PAWR: variants seen among roughly 807,000 people sequenced by gnomAD.
PAWR encodes the protein PRKC apoptosis WT1 regulator protein.
In PAWR, 23 loss-of-function variants were observed where a neutral mutation model predicts 32.0. That is an observed-to-expected ratio of 0.72 (90% confidence interval 0.52 to 1.02). The LOEUF (loss-of-function observed/expected upper bound fraction) is 1.02. PAWR is among the 50% of genes least tolerant of loss of function. The probability of loss-of-function intolerance (pLI) is 0.00; values close to 1 mark genes in which losing one functional copy is unlikely to be tolerated. For missense variants in PAWR, 457 were observed against 437.7 expected, an observed-to-expected ratio of 1.04 and a Z score of -0.39; for synonymous variants, 226 against 187.1, an observed-to-expected ratio of 1.21 and a Z score of -1.70.
intron 4 of PAWR, among the ~76,000 whole-genome samples, chr12:79,608,049 CAAA>C (rs202174917): frequency 2.6e-5 from 2 of 75,860 alleles, no homozygotes; most frequent in Admixed American, 1.5e-4. Flanking sequence ...AACTCGGACT[CAAA>C]AAAAAAAAAA....
At chr12:79,613,665 A>G (rs1013885776) in intron 3 of PAWR, 56 bp from the exon 4 acceptor site, 13 of 859,500 alleles carry the variant, frequency 1.5e-5, no homozygotes, top group Non-Finnish European at 2.0e-5. Context: ...ACAATTACTT[A>G]TTATATAAAA....
chr12:79,652,242 TTTATA>T (rs1307021038), intron 2 of PAWR, among the ~76,000 whole-genome samples: 2 of 152,190 alleles, frequency 1.3e-5, no homozygotes, highest in Admixed American at 1.3e-4. Flanking sequence ...GATGCTAAGT[TTTATA>T]TTATATACGT....
intron 2 of PAWR, among the ~76,000 whole-genome samples, chr12:79,638,086 T>C (rs1399784993): frequency 6.6e-6 from 1 of 152,052 alleles, no homozygotes; most frequent in East Asian, 1.9e-4. Context: ...ATCTCTAATT[T>C]TTATGGCTCT....
chr12:79,639,833 C>CTTTTCCATTCCTATTCCTATTCCT (rs1313531485), intron 2 of PAWR, among the ~76,000 whole-genome samples: 6 of 127,502 alleles, frequency 4.7e-5, no homozygotes, highest in African/African-American at 2.5e-4. Context: ...TTTCCTTTTC[C>CTTTTCCATTCCTATTCCTATTCCT]ATTCCTATTC....
chr12:79,625,467 TA>T (rs770109577), intron 2 of PAWR, among the ~76,000 whole-genome samples: 4 of 151,900 alleles, frequency 2.6e-5, no homozygotes, highest in Non-Finnish European at 5.9e-5. Context: ...ATCAAAGTAA[TA>T]AAGAGAAAAT....
At chr12:79,645,043 C>CACACACACACAG (rs1876505683) in intron 2 of PAWR, among the ~76,000 whole-genome samples, 1 of 151,134 alleles carries the variant, frequency 6.6e-6, no homozygotes, top group Non-Finnish European at 1.5e-5. Context: ...CCACCACACA[C>CACACACACACAG]ACACACACAC....
chr12:79,639,839 TATTCCTATTCCTATTCC>T (rs1876201678), intron 2 of PAWR, among the ~76,000 whole-genome samples: 1 of 69,502 alleles, frequency 1.4e-5, no homozygotes, highest in Non-Finnish European at 2.8e-5. Flanking sequence ...TTTCCATTCC[TATTCCTATTCCTATTCC>T]TATTCCTATT....
At chr12:79,653,543 G>C (rs180922751) in intron 2 of PAWR, among the ~76,000 whole-genome samples, 1 of 152,130 alleles carries the variant, frequency 6.6e-6, no homozygotes, top group Non-Finnish European at 1.5e-5. Context: ...GCAATGGCAC[G>C]ATCTCAGCTC....
rs1873352975 is a variant in PAWR, at chr12:79,585,165, A to T, written c.*7442T>A. 1 of 452,968 alleles carries T rather than the reference A, an allele frequency of 2.2e-6. No homozygotes were observed. Among genetic ancestry groups the T allele is most frequent in the African/African-American group, 2.0e-5 (1 of 49,862 alleles). 28.1% of individuals were successfully genotyped at this position (452,968 alleles called of 1,614,324 possible). Reference sequence around the variant, plus strand: ...GATCAGGAGCTTAAAACAAAACAAAACAAAAACAAACAAAAAACAAGTTCA... The same window carrying T: ...GATCAGGAGCTTAAAACAAAACAAATCAAAAACAAACAAAAAACAAGTTCA... On this transcript the variant is annotated 3_prime_UTR_variant, in exon 7 of 7. Coordinates refer to ENST00000328827, the MANE Select transcript of PAWR (RefSeq NM_002583.4).
rs199880169 is a variant in PAWR, at chr12:79,594,370, T to C, written c.895A>G (p.Met299Val). The change falls in exon 6 of 7, where the codon ATG (methionine) becomes GTG (valine). Residue 299 changes from methionine (M) to valine (V), a missense_variant. Transcript: ENST00000328827. Reference sequence around the variant, plus strand: ...ATTTCTTCTTTGAGTTTTCCAATCATTTCCTCTTTATCTTGCATCAGTCTC... The same window carrying C: ...ATTTCTTCTTTGAGTTTTCCAATCACTTCCTCTTTATCTTGCATCAGTCTC... ...LVRLMQDKEE[M>V]IGKLKEEIDL... 1.9e-6 allele frequency: 3 copies of C among 1,562,836 alleles called. No individual in the cohort carries two copies. Among genetic ancestry groups the C allele is most frequent in the Non-Finnish European group, 2.6e-6 (3 of 1,140,194 alleles).
intron 2 of PAWR, among the ~76,000 whole-genome samples, chr12:79,645,414 T>A (rs1457201339): frequency 6.6e-6 from 1 of 152,186 alleles, no homozygotes; most frequent in Non-Finnish European, 1.5e-5. Flanking sequence ...GAAACTGAAA[T>A]GACACTGGAA....
In PAWR at chr12:79,678,968, G is replaced by C. The variant is rs1285948214; in HGVS notation, c.516+10761C>G. On this transcript the variant is annotated intron_variant, in intron 2 of 6. Transcript: ENST00000328827. Reference sequence around the variant, plus strand: ...GCTGAAGTGCAGTGGCATTATCATAGCTAACGGCAGCCTAAAATTCCTGGG... The same window carrying C: ...GCTGAAGTGCAGTGGCATTATCATACCTAACGGCAGCCTAAAATTCCTGGG... 2.7e-5 allele frequency among the ~76,000 whole-genome samples: 4 copies of C among 150,168 alleles called. No homozygotes were observed. The East Asian group carries it at 7.9e-4, about 30-fold the overall frequency.
intron 2 of PAWR, among the ~76,000 whole-genome samples, chr12:79,649,302 T>C (rs1421495619): frequency 6.6e-6 from 1 of 152,180 alleles, no homozygotes; most frequent in Non-Finnish European, 1.5e-5. Context: ...GTTAGTCTAG[T>C]TTGGGTATTA....
chr12:79,633,207 T>C (rs1875797865), intron 2 of PAWR, among the ~76,000 whole-genome samples: 1 of 151,346 alleles, frequency 6.6e-6, no homozygotes, highest in African/African-American at 2.4e-5. Context: ...GTTAAGGAAA[T>C]AAAAAGGCGT....
At position 79,592,817 on chromosome 12, in the gene PAWR, A is replaced by G. The variant is rs562955016; in HGVS notation, c.937-124T>C. 22 of 544,676 alleles carry G rather than the reference A, an allele frequency of 4.0e-5. No homozygotes were observed. The African/African-American group carries it at 4.1e-4, about 10-fold the overall frequency. The allele number at this position is 544,676 out of a possible 1,614,324, so 33.7% of individuals were successfully genotyped here. On this transcript the variant is annotated intron_variant, in intron 6 of 6. Coordinates refer to ENST00000328827, the MANE Select transcript of PAWR (RefSeq NM_002583.4). ...ATTTTGAAATGAGGGCAAGCTCTGA[A>G]AACAACTTTAGATGTAATATGCCCC...
chr12:79,690,113 C>T lies in PAWR; in HGVS notation c.132G>A (p.Gly44=), dbSNP rs1049013597. 2.0e-6 allele frequency: 3 copies of T among 1,497,444 alleles called. No homozygotes were observed. The African/African-American group carries it at 4.4e-5, about 22-fold the overall frequency. 92.8% of individuals were successfully genotyped at this position (1,497,444 alleles called of 1,614,324 possible). The change falls in exon 2 of 7, where the codon GGG becomes GGA. Residue 44 remains glycine (G), a synonymous_variant. Coordinates refer to ENST00000328827, the MANE Select transcript of PAWR (RefSeq NM_002583.4). Reference sequence around the variant, plus strand: ...GCTTCCCAGCGGCGTCGCTGCTGCCCCCTCCCGGGGGGGCCGGGCCCGGGG... The same window carrying T: ...GCTTCCCAGCGGCGTCGCTGCTGCCTCCTCCCGGGGGGGCCGGGCCCGGGG... ...QNPPGPAPPG[G]GSSDAAGKPP...
In PAWR at chr12:79,592,625, C is replaced by T. The variant is rs8176908; in HGVS notation, c.1005G>A (p.Val335=). The change falls in exon 7 of 7, where the codon GTG becomes GTA. Residue 335 remains valine (V), a synonymous_variant. Coordinates refer to ENST00000328827, the MANE Select transcript of PAWR (RefSeq NM_002583.4). ...KQENKTLLKV[V]GQLTR ...GAATCCTCTACCTGGTCAGCTGACC[C>T]ACAACTTTCAAAAGAGTTTTATTTT... The T allele has an allele frequency of 2.6e-6, 2 of 768,942 alleles. No individual in the cohort carries two copies. Among genetic ancestry groups the T allele is most frequent in the Admixed American group, 1.8e-5 (1 of 55,726 alleles). The allele number at this position is 768,942 out of a possible 1,614,324, so 47.6% of individuals were successfully genotyped here.
intron 2 of PAWR, among the ~76,000 whole-genome samples, chr12:79,671,812 A>G (rs1877916170): frequency 6.6e-6 from 1 of 152,180 alleles, no homozygotes; most frequent in African/African-American, 2.4e-5. Flanking sequence ...GTGCACCTGT[A>G]GTCCTAGTTA....
chr12:79,635,341 A>T (rs1875909597), intron 2 of PAWR, among the ~76,000 whole-genome samples: 1 of 152,040 alleles, frequency 6.6e-6, no homozygotes, highest in Admixed American at 6.6e-5. Context: ...GGTATTATGA[A>T]ATTCTGTGGA....
Sources: allele counts gnomAD v4.1 joint callset (sites outside exome capture counted in the v4.1 genomes callset), GRCh38; gene constraint gnomAD v4.1.1; transcripts MANE v1.5; gene names NCBI Gene and HGNC (gene_info 2026-07-23, HGNC 2026-07-21).